Variants in PTH2R observed in about 807,000 individuals in gnomAD.
The protein encoded by PTH2R is PTH2 receptor.
Under a neutral mutation model 60.3 loss-of-function variants are expected in PTH2R, and 59 were observed. The ratio of observed to expected loss-of-function variants is 0.98; its 90% confidence interval spans 0.79 to 1.22. The LOEUF (loss-of-function observed/expected upper bound fraction) is 1.22, where lower values mean the gene tolerates loss of function less well. Among genes scored for constraint, PTH2R ranks in the 50% most tolerant of loss-of-function variants. The probability of loss-of-function intolerance (pLI) is 0.00; values close to 1 mark genes in which losing one functional copy is unlikely to be tolerated. For synonymous variants in PTH2R, 256 were observed against 243.8 expected, an observed-to-expected ratio of 1.05 and a Z score of -0.47; for missense variants, 749 against 682.6, an observed-to-expected ratio of 1.10 and a Z score of -1.08.
At chr2:208,410,762 T>TTGTGTG (rs10688062) in intron 1 of PTH2R, among the ~76,000 whole-genome samples, 1 of 150,740 alleles carries the variant, frequency 6.6e-6, no homozygotes, top group African/African-American at 2.4e-5. Flanking sequence ...AGATAAAAGA[T>TTGTGTG]TGTGTGTGTG....
chr2:208,409,006 C>G (rs1701485031), intron 1 of PTH2R, among the ~76,000 whole-genome samples: 7 of 151,998 alleles, frequency 4.6e-5, no homozygotes, highest in Admixed American at 3.9e-4. Flanking sequence ...ATGCCAGTAG[C>G]CCCCCTCCCC....
At chr2:208,444,428 A>C (rs901312159) in intron 6 of PTH2R, among the ~76,000 whole-genome samples, 1 of 152,240 alleles carries the variant, frequency 6.6e-6, no homozygotes, top group African/African-American at 2.4e-5. Context: ...ATACTTTTCT[A>C]TATGTTCCTA....
At chr2:208,437,449 C>T in intron 2 of PTH2R, 88 bp from the exon 3 acceptor site, 1 of 1,036,838 alleles carries the variant, frequency 9.6e-7, no homozygotes, top group Non-Finnish European at 1.4e-6. Context: ...AGACAATGAC[C>T]TAAAATTTTG....
At chr2:208,403,150 G>T (rs1701340818), upstream of PTH2R, among the ~76,000 whole-genome samples, 1 of 152,286 alleles carries the variant, frequency 6.6e-6, no homozygotes, top group South Asian at 2.1e-4. Flanking sequence ...TTAAAAATAT[G>T]AGCTATTGTT....
At chr2:208,436,486 A>C (rs1260890806) in intron 2 of PTH2R, among the ~76,000 whole-genome samples, 1 of 152,236 alleles carries the variant, frequency 6.6e-6, no homozygotes, top group African/African-American at 2.4e-5. Context: ...CAGAATACCC[A>C]GCACATGAGT....
intron 1 of PTH2R, among the ~76,000 whole-genome samples, chr2:208,413,740 G>A (rs1701587426): frequency 6.6e-6 from 1 of 152,218 alleles, no homozygotes; most frequent in Non-Finnish European, 1.5e-5. Flanking sequence ...ACAACTAAAA[G>A]TGTAAGGGTT....
At chr2:208,489,587 C>T (rs1402303747) in intron 11 of PTH2R, among the ~76,000 whole-genome samples, 1 of 152,154 alleles carries the variant, frequency 6.6e-6, no homozygotes, top group Non-Finnish European at 1.5e-5. Flanking sequence ...CTGTAATTAC[C>T]ATCATCTCGC....
intron 1 of PTH2R, among the ~76,000 whole-genome samples, chr2:208,375,651 G>T (rs1280275432): frequency 6.6e-6 from 1 of 152,122 alleles, no homozygotes; most frequent in Non-Finnish European, 1.5e-5. Context: ...ATGTACCAGA[G>T]CCCAGCAGCC....
At chr2:208,391,696 T>G (rs1287131353) in intron 1 of PTH2R, among the ~76,000 whole-genome samples, 1 of 152,138 alleles carries the variant, frequency 6.6e-6, no homozygotes, top group Non-Finnish European at 1.5e-5. Flanking sequence ...CAAATACTCT[T>G]AGTTGCTTGA....
At chr2:208,383,810 C>T (rs986898474) in intron 1 of PTH2R, among the ~76,000 whole-genome samples, 9 of 152,132 alleles carry the variant, frequency 5.9e-5, no homozygotes, top group Non-Finnish European at 1.2e-4. Flanking sequence ...CGGGTATCAT[C>T]GCAAAACCAC....
chr2:208,471,476 G>C (rs1702878682), intron 9 of PTH2R, among the ~76,000 whole-genome samples: 1 of 152,228 alleles, frequency 6.6e-6, no homozygotes, highest in African/African-American at 2.4e-5. Context: ...TTGGGCCATG[G>C]CTTCAGAGGG....
At chr2:208,401,357 C>T (rs1448261348) in intron 1 of PTH2R, among the ~76,000 whole-genome samples, 4 of 152,132 alleles carry the variant, frequency 2.6e-5, no homozygotes, top group Non-Finnish European at 4.4e-5. Context: ...TAGCATCTGT[C>T]CCCTGTAAAA....
chr2:208,478,237 G>A (rs1469653040), intron 9 of PTH2R, among the ~76,000 whole-genome samples: 2 of 152,176 alleles, frequency 1.3e-5, no homozygotes, highest in African/African-American at 4.8e-5. Flanking sequence ...CCTCACAGCT[G>A]TCTTTGTTCT....
chr2:208,475,575 G>A (rs1702983481), intron 9 of PTH2R, among the ~76,000 whole-genome samples: 1 of 152,168 alleles, frequency 6.6e-6, no homozygotes, highest in African/African-American at 2.4e-5. Context: ...TTCAAGTTGG[G>A]AAGCATTTTG....
At chr2:208,445,171 C>T (rs1489767674) in intron 7 of PTH2R, among the ~76,000 whole-genome samples, 1 of 152,118 alleles carries the variant, frequency 6.6e-6, no homozygotes, top group Non-Finnish European at 1.5e-5. Flanking sequence ...CATTGTAAGC[C>T]ATACACATGT....
At chr2:208,418,724 TCTGTATATTTTCC>T (rs1216565008) in intron 1 of PTH2R, among the ~76,000 whole-genome samples, 1 of 152,138 alleles carries the variant, frequency 6.6e-6, no homozygotes, top group East Asian at 1.9e-4. Flanking sequence ...CAAAAATGTA[TCTGTATATTTTCC>T]CTCTTTTTTT....
At position 208,379,015 on chromosome 2, in the gene PTH2R, A is replaced by G. The variant is rs565994497; in HGVS notation, c.-259+18778A>G. Among the ~76,000 whole-genome samples the G allele has an allele frequency of 3.3e-5, 5 of 152,286 alleles. No homozygotes were observed. In the East Asian group the frequency reaches 9.6e-4, roughly 29 times the overall value. Reference sequence around the variant, plus strand: ...AGTGTTAACTGAAGACACAGTGTTAACTGAAGACACAGTTGAAAACTAAAG... The same window carrying G: ...AGTGTTAACTGAAGACACAGTGTTAGCTGAAGACACAGTTGAAAACTAAAG... On this transcript the variant is annotated intron_variant, in intron 1 of 12. Coordinates refer to the PTH2R transcript ENST00000617735.
intron 1 of PTH2R, among the ~76,000 whole-genome samples, chr2:208,408,873 C>A (rs1185491167): frequency 6.6e-6 from 1 of 152,074 alleles, no homozygotes; most frequent in African/African-American, 2.4e-5. Context: ...ACCAGGATTT[C>A]CCAACCTTGG....
chr2:208,399,121 G>A (rs1407186464), intron 1 of PTH2R, among the ~76,000 whole-genome samples: 1 of 152,160 alleles, frequency 6.6e-6, no homozygotes, highest in African/African-American at 2.4e-5. Context: ...CTATCACCCA[G>A]AAACCTGTGA....
Sources: gnomAD v4.1 joint callset for allele counts (sites outside exome capture counted in the v4.1 genomes callset) on GRCh38, gnomAD v4.1.1 for gene constraint, MANE v1.5 for transcripts, NCBI Gene and HGNC (gene_info 2026-07-23, HGNC 2026-07-21) for gene names.